The following TARS3 variants were observed in gnomAD, a reference collection of about 807,000 sequenced individuals.
The protein encoded by TARS3 is threonine--tRNA ligase 2, cytoplasmic.
In TARS3, 94 loss-of-function variants were observed where a neutral mutation model predicts 103.5. That is an observed-to-expected ratio of 0.91 (90% CI 0.77 to 1.08). The LOEUF (loss-of-function observed/expected upper bound fraction) is 1.08, where lower values mean the gene tolerates loss of function less well. Among genes scored for constraint, TARS3 ranks in the 50% least tolerant of loss-of-function variants. TARS3 has a pLI of 0.00. For synonymous variants in TARS3, 416 were observed against 355.4 expected, an observed-to-expected ratio of 1.17 and a Z score of -1.92; for missense variants, 952 against 995.2, an observed-to-expected ratio of 0.96 and a Z score of 0.58.
Position 101,676,286 on chromosome 15 carries a change from T to G in TARS3, c.1651-549A>C, listed in dbSNP as rs80040411. Among the ~76,000 whole-genome samples, 7 of 152,324 alleles carry G rather than the reference T, an allele frequency of 4.6e-5. No homozygotes were observed. The East Asian group carries it at 1.3e-3, about 29-fold the overall frequency. Reference sequence around the variant, plus strand: ...GAAGGGTTTTTGTTTTGTTTTGTTTTGTTTAAGCAGGGGACTAACATGAGT... The same window carrying G: ...GAAGGGTTTTTGTTTTGTTTTGTTTGGTTTAAGCAGGGGACTAACATGAGT... On this transcript the variant is annotated intron_variant, in intron 12 of 18. Transcript: ENST00000335968.
At chr15:101,678,508 T>A (rs771574879) in intron 12 of TARS3, among the ~76,000 whole-genome samples, 5 of 152,030 alleles carry the variant, frequency 3.3e-5, no homozygotes, top group Non-Finnish European at 7.4e-5. Flanking sequence ...TCTATAGCTT[T>A]TTTTTTTATT....
At position 101,701,124 on chromosome 15, in the gene TARS3, C is replaced by T; in HGVS notation, c.1282G>A (p.Gly428Arg). The T allele has an allele frequency of 6.3e-7, 1 of 1,598,014 alleles. No homozygotes were observed. The highest frequency in any genetic ancestry group is 8.5e-7 in the Non-Finnish European group (1 of 1,175,108). The change falls in exon 10 of 19, where the codon GGA (glycine) becomes AGA (arginine). Residue 428 changes from glycine (G) to arginine (R), a missense_variant. Gly to Arg is a moderately radical substitution (Grantham distance 125). Transcript: ENST00000335968. ...SPGSCFFLPRGAFIYNTLTDF... is the reference protein window; with the variant it reads ...SPGSCFFLPRRAFIYNTLTDF... ...GTAAGCGTATTATAAATGAAGGCTC[C>T]TCTGGGAAGGAAAAAACAGCTTCCA...
chr15:101,698,631 C>T (rs1030789794), intron 10 of TARS3, among the ~76,000 whole-genome samples: 5 of 152,250 alleles, frequency 3.3e-5, no homozygotes, highest in African/African-American at 1.2e-4. Context: ...CACCATTTTA[C>T]AATGTGAGGG....
intron 5 of TARS3, among the ~76,000 whole-genome samples, chr15:101,711,608 C>T (rs1400529105): frequency 6.6e-6 from 1 of 152,176 alleles, no homozygotes; most frequent in African/African-American, 2.4e-5. Context: ...TAGCTTATTT[C>T]AAGAATACAG....
At chr15:101,675,400 T>A (rs1465254845) in intron 13 of TARS3, among the ~76,000 whole-genome samples, 200 bp downstream of exon 13, 1 of 152,230 alleles carries the variant, frequency 6.6e-6, no homozygotes, top group Non-Finnish European at 1.5e-5. Flanking sequence ...GAACTTTAAG[T>A]GTGAAGCAAA....
chr15:101,722,511 A>C, intron 2 of TARS3, among the ~76,000 whole-genome samples: 1 of 130,110 alleles, frequency 7.7e-6, no homozygotes, highest in South Asian at 2.3e-4. Flanking sequence ...TCTCGAATAC[A>C]AAAAAAAAAA....
At chr15:101,661,875 G>T in intron 15 of TARS3, 59 bp from the exon 16 acceptor site, 1 of 1,043,808 alleles carries the variant, frequency 9.6e-7, no homozygotes, top group South Asian at 1.9e-5. Context: ...CTATCTTCTA[G>T]CCTTATATTT....
At chr15:101,722,296 T>A (rs1900512048) in intron 2 of TARS3, among the ~76,000 whole-genome samples, 1 of 151,068 alleles carries the variant, frequency 6.6e-6, no homozygotes, top group Non-Finnish European at 1.5e-5. Context: ...TTACAGAACG[T>A]GTACAGAGTC....
intron 15 of TARS3, among the ~76,000 whole-genome samples, chr15:101,663,857 T>G (rs148343565): frequency 6.6e-6 from 1 of 152,366 alleles, no homozygotes; most frequent in African/African-American, 2.4e-5. Flanking sequence ...TGAGATGCTA[T>G]TGCTGTTTTC....
intron 16 of TARS3, among the ~76,000 whole-genome samples, chr15:101,660,791 T>C (rs1201021301): frequency 2.0e-5 from 3 of 152,152 alleles, no homozygotes; most frequent in Admixed American, 6.5e-5. Context: ...TATCCACCAG[T>C]GGCCACTTTG....
At chr15:101,721,722 T>C (rs1386642551) in intron 2 of TARS3, among the ~76,000 whole-genome samples, 2 of 152,200 alleles carry the variant, frequency 1.3e-5, no homozygotes, top group African/African-American at 4.8e-5. Context: ...CTCGAACTCC[T>C]GACCTCAAAT....
chr15:101,662,479 C>T (rs1897421588), intron 15 of TARS3, among the ~76,000 whole-genome samples: 3 of 152,084 alleles, frequency 2.0e-5, no homozygotes, highest in Non-Finnish European at 2.9e-5. Context: ...ACAAATTTAA[C>T]AAATAAATAA....
At chr15:101,690,084 G>C (rs915111160) in intron 10 of TARS3, among the ~76,000 whole-genome samples, 1 of 152,204 alleles carries the variant, frequency 6.6e-6, no homozygotes, top group South Asian at 2.1e-4. Flanking sequence ...CGGCTGATCG[G>C]AGTTTGTGGG....
chr15:101,657,357 C>T (rs1033888317), intron 17 of TARS3, among the ~76,000 whole-genome samples: 1 of 152,232 alleles, frequency 6.6e-6, no homozygotes, highest in Non-Finnish European at 1.5e-5. Flanking sequence ...CCCCGAGCTC[C>T]GCAGCCCTGG....
At chr15:101,691,984 G>A (rs1898746990) in intron 10 of TARS3, among the ~76,000 whole-genome samples, 1 of 152,158 alleles carries the variant, frequency 6.6e-6, no homozygotes, top group African/African-American at 2.4e-5. Context: ...CTCAGATCAT[G>A]GGATTTCTTG....
chr15:101,669,750 A>T (rs1490438196), intron 15 of TARS3, among the ~76,000 whole-genome samples: 1 of 152,228 alleles, frequency 6.6e-6, no homozygotes, highest in Non-Finnish European at 1.5e-5. Context: ...AGACCATATT[A>T]GCCTAGGTAT....
intron 12 of TARS3, among the ~76,000 whole-genome samples, chr15:101,676,744 T>A (rs560123911): frequency 1.3e-5 from 2 of 151,734 alleles, no homozygotes; most frequent in East Asian, 3.9e-4. Context: ...TGGCCTCAAG[T>A]GACCCACCTG....
intron 6 of TARS3, among the ~76,000 whole-genome samples, chr15:101,706,141 T>C (rs1469816991): frequency 6.6e-6 from 1 of 152,146 alleles, no homozygotes; most frequent in Admixed American, 6.5e-5. Context: ...TTTTGTATTT[T>C]TACTATGTGC....
At chr15:101,668,372 G>C (rs762821413) in intron 15 of TARS3, among the ~76,000 whole-genome samples, 1 of 152,124 alleles carries the variant, frequency 6.6e-6, no homozygotes, top group Non-Finnish European at 1.5e-5. Flanking sequence ...GGGAGGGGCC[G>C]GTGGAGTGGT....
Sources: allele counts gnomAD v4.1 joint callset (sites outside exome capture counted in the v4.1 genomes callset), GRCh38; gene constraint gnomAD v4.1.1; transcripts MANE v1.5; gene names NCBI Gene and HGNC (gene_info 2026-07-23, HGNC 2026-07-21).